TXNDC9: variants seen among roughly 807,000 people sequenced by gnomAD.
The protein encoded by TXNDC9 is thioredoxin domain-containing protein 9.
TXNDC9 carries 7 observed loss-of-function variants against 23.0 expected under a neutral mutation model. That is an observed-to-expected ratio of 0.30 (90% CI 0.17 to 0.57). The LOEUF (loss-of-function observed/expected upper bound fraction) is 0.57, where lower values mean the gene tolerates loss of function less well. Among genes scored for constraint, TXNDC9 ranks in the 20% least tolerant of loss-of-function variants. The probability of loss-of-function intolerance (pLI) is 0.90; values close to 1 mark genes in which losing one functional copy is unlikely to be tolerated. For synonymous variants in TXNDC9, 72 were observed against 90.6 expected (o/e 0.79, Z 1.17); for missense variants, 198 against 252.6 (o/e 0.78, Z 1.47).
chr2:99,336,177 G>C, intron 1 of TXNDC9, 62 bp downstream of exon 1: 1 of 981,966 alleles, frequency 1.0e-6, no homozygotes, highest in Non-Finnish European at 1.2e-6. Flanking sequence ...ATGTGGAGCA[G>C]CAGAATGTTC....
intron 2 of TXNDC9, among the ~76,000 whole-genome samples, chr2:99,328,501 C>A (rs867856045): frequency 6.6e-6 from 1 of 152,146 alleles, no homozygotes; most frequent in Admixed American, 6.6e-5. Context: ...CACAGCATGG[C>A]CTGGGTTCAA....
intron 3 of TXNDC9, 69 bp downstream of exon 3, chr2:99,327,466 C>A (rs2094215228): frequency 1.9e-6 from 2 of 1,076,070 alleles, no homozygotes; most frequent in Admixed American, 3.9e-5. Flanking sequence ...CTCTAGTAAG[C>A]CAGTATATCT....
Position 99,333,032 on chromosome 2 carries a change from TG to T in TXNDC9, c.178del (p.Gln60SerfsTer48), listed in dbSNP as rs1559237318. On this transcript the variant is annotated frameshift_variant, in exon 2 of 5. Coordinates refer to ENST00000264255, the MANE Select transcript of TXNDC9 (RefSeq NM_005783.4). LOFTEE classifies it high-confidence loss of function. ...KRLQALRKAQ[Q>X]QKQEWLSKGH... ...GGGCAGAGAGGTTACTTGTTTCTGC[TG>T]TTGAGCTTTCCTTAGTGCCTGGAGT... is the stretch of plus-strand genomic sequence containing the variant. The T allele has an allele frequency of 6.2e-7, 1 of 1,613,950 alleles. No individual in the cohort carries two copies. Among genetic ancestry groups the T allele is most frequent in the South Asian group, 1.1e-5 (1 of 91,072 alleles).
At position 99,327,499 on chromosome 2, in the gene TXNDC9, T is replaced by G. The variant is rs763877964; in HGVS notation, c.308+36A>C. On this transcript the variant is annotated intron_variant, in intron 3 of 4. Transcript: ENST00000264255. ...TCTCCAGCCAAACAATTCACTGTGT[T>G]TTTTTAGAAAAAGTCACAGATGGAA... 2.8e-6 allele frequency: 4 copies of G among 1,451,974 alleles called. No homozygotes were observed. The Admixed American group carries it at 5.1e-5, about 19-fold the overall frequency. The allele number at this position is 1,451,974 out of a possible 1,614,324, so 89.9% of individuals were successfully genotyped here.
chr2:99,336,164 C>G, intron 1 of TXNDC9, 75 bp downstream of exon 1: 1 of 980,778 alleles, frequency 1.0e-6, no homozygotes, highest in Non-Finnish European at 1.2e-6. Context: ...TCCTCCGCTC[C>G]GGATGTGGAG....
At chr2:99,312,019 G>A in the TXNDC9 span, among the ~76,000 whole-genome samples, 3 of 152,188 alleles carry the variant, frequency 2.0e-5, no homozygotes, top group Non-Finnish European at 4.4e-5. Flanking sequence ...TTGTTTGGAT[G>A]AACCTGGGAG....
At chr2:99,327,035 C>A (rs149325745) in intron 3 of TXNDC9, among the ~76,000 whole-genome samples, 2,202 of 152,244 alleles carry the variant, frequency 0.014, 61 homozygotes, top group African/African-American at 0.05. Context: ...TTGCATGTAA[C>A]TGTTCTTTAA....
At chr2:99,309,024 A>G in the TXNDC9 span, among the ~76,000 whole-genome samples, 1 of 152,102 alleles carries the variant, frequency 6.6e-6, no homozygotes, top group Admixed American at 6.5e-5. Context: ...ATATTAAAAA[A>G]ATTTAAAAAC....
chr2:99,315,834 G>A (rs1394170049), downstream of TXNDC9, among the ~76,000 whole-genome samples: 1 of 151,988 alleles, frequency 6.6e-6, no homozygotes, highest in East Asian at 1.9e-4. Flanking sequence ...CTTTTATTTC[G>A]CTTATCTTTA....
chr2:99,313,872 C>T, the TXNDC9 span, among the ~76,000 whole-genome samples: 5 of 152,116 alleles, frequency 3.3e-5, no homozygotes, highest in Non-Finnish European at 5.9e-5. Context: ...CTATTTCATT[C>T]CTAAAATATT....
chr2:99,321,013 TC>T, intron 4 of TXNDC9: 1 of 152,230 alleles, frequency 6.6e-6, no homozygotes, highest in South Asian at 2.1e-4. Flanking sequence ...AAGTCTGTAA[TC>T]TTCTGAGATT....
chr2:99,325,815 A>C (rs1187396203), intron 3 of TXNDC9, among the ~76,000 whole-genome samples: 1 of 152,178 alleles, frequency 6.6e-6, no homozygotes, highest in African/African-American at 2.4e-5. Context: ...GTTTGAGACC[A>C]GCCTGGCCAA....
chr2:99,310,302 GTCTCACT>G, the TXNDC9 span, among the ~76,000 whole-genome samples: 1 of 152,134 alleles, frequency 6.6e-6, no homozygotes, highest in Admixed American at 6.6e-5. Context: ...TTGAGTCAGA[GTCTCACT>G]CTGTTGTCCA....
downstream of TXNDC9, among the ~76,000 whole-genome samples, chr2:99,316,749 T>C (rs928308030): frequency 1.3e-5 from 2 of 152,094 alleles, no homozygotes; most frequent in Non-Finnish European, 2.9e-5. Flanking sequence ...TTGGCCCTTT[T>C]ATTTATTTTA....
Position 99,319,593 on chromosome 2 carries a change from G to C in TXNDC9, c.*89C>G. 1.1e-6 allele frequency: 1 copy of C among 950,170 alleles called. No homozygotes were observed. The highest frequency in any genetic ancestry group is 2.4e-5 in the Admixed American group (1 of 41,414). 58.9% of individuals were successfully genotyped at this position (950,170 alleles called of 1,614,324 possible). A position where few individuals can be genotyped will look rare whatever the true frequency, so the allele number is the denominator to read the frequency against. ...AACTCGAGAATATGAGTATTTAGGTGACCAATGTATAGACATTAATAGAAT... is the reference window on the plus strand; with the variant it reads ...AACTCGAGAATATGAGTATTTAGGTCACCAATGTATAGACATTAATAGAAT... On this transcript the variant is annotated 3_prime_UTR_variant, in exon 5 of 5. Coordinates refer to ENST00000264255, the MANE Select transcript of TXNDC9 (RefSeq NM_005783.4).
intron 1 of TXNDC9, among the ~76,000 whole-genome samples, chr2:99,333,621 CAACTGCG>C (rs2094231204): frequency 6.6e-6 from 1 of 152,140 alleles, no homozygotes; most frequent in Admixed American, 6.5e-5. Flanking sequence ...AAATCAGAAA[CAACTGCG>C]AACAATAGGA....
chr2:99,308,000 A>G, the TXNDC9 span, among the ~76,000 whole-genome samples: 1 of 152,322 alleles, frequency 6.6e-6, no homozygotes, highest in Admixed American at 6.5e-5. Context: ...CATGTCTAAC[A>G]GCCTCGGCTA....
intron 2 of TXNDC9, among the ~76,000 whole-genome samples, chr2:99,328,831 T>C (rs74880750): frequency 2.0e-4 from 29 of 146,182 alleles, no homozygotes; most frequent in African/African-American, 6.8e-4. Flanking sequence ...AAAAAAAAAA[T>C]ACAAGAAATT....
intron 3 of TXNDC9, 70 bp downstream of exon 3, chr2:99,327,465 G>T: frequency 9.4e-7 from 1 of 1,060,636 alleles, no homozygotes. Context: ...TCTCTAGTAA[G>T]CCAGTATATC....
Sources: gnomAD v4.1 joint callset for allele counts (sites outside exome capture counted in the v4.1 genomes callset) on GRCh38, gnomAD v4.1.1 for gene constraint, MANE v1.5 for transcripts, NCBI Gene and HGNC (gene_info 2026-07-23, HGNC 2026-07-21) for gene names.